The following EFCAB11 variants were observed in gnomAD, a reference collection of about 807,000 sequenced individuals.
EFCAB11 encodes the protein EF-hand calcium-binding domain-containing protein 11.
EFCAB11 carries 14 observed loss-of-function variants against 23.0 expected under a neutral mutation model. That is an observed-to-expected ratio of 0.61 (90% CI 0.40 to 0.95). The LOEUF (loss-of-function observed/expected upper bound fraction) is 0.95, where lower values mean the gene tolerates loss of function less well. EFCAB11 is among the 40% of genes least tolerant of loss of function. The pLI is 0.00. For synonymous variants in EFCAB11, 65 were observed against 66.6 expected (o/e 0.98, Z 0.11); for missense variants, 198 against 195.8 (o/e 1.01, Z -0.07).
intron 3 of EFCAB11, among the ~76,000 whole-genome samples, chr14:89,944,616 A>C (rs1283353043): frequency 1.3e-5 from 2 of 152,206 alleles, no homozygotes; most frequent in Non-Finnish European, 1.5e-5. Context: ...ATTCACAAAA[A>C]ACCCTAATGA....
chr14:89,951,805 G>A (rs1359149345), intron 2 of EFCAB11, among the ~76,000 whole-genome samples: 1 of 151,720 alleles, frequency 6.6e-6, no homozygotes, highest in East Asian at 1.9e-4. Context: ...TGCACCTGTA[G>A]TCCCAGCTAC....
intron 5 of EFCAB11, among the ~76,000 whole-genome samples, chr14:89,870,911 G>T (rs1596413416): frequency 6.6e-6 from 1 of 152,248 alleles, no homozygotes; most frequent in Admixed American, 6.5e-5. Flanking sequence ...CTGCACTGCA[G>T]CATGGTCAAC....
intron 5 of EFCAB11, among the ~76,000 whole-genome samples, chr14:89,875,433 A>G (rs540065211): frequency 5.3e-4 from 80 of 152,200 alleles, no homozygotes; most frequent in Non-Finnish European, 1.1e-3. Context: ...ATTGTGAGGT[A>G]CTTTGTTACA....
At chr14:89,828,590 G>T (rs1184755806) in intron 5 of EFCAB11, among the ~76,000 whole-genome samples, 5 of 152,050 alleles carry the variant, frequency 3.3e-5, no homozygotes, top group African/African-American at 9.7e-5. Context: ...ATAGTGTTCG[G>T]TTTTTTGTAT....
chr14:89,889,322 A>G (rs1480254785), intron 5 of EFCAB11, among the ~76,000 whole-genome samples: 1 of 152,250 alleles, frequency 6.6e-6, no homozygotes. Context: ...TCGAAGCCTT[A>G]CTATGAATCC....
intron 5 of EFCAB11, among the ~76,000 whole-genome samples, chr14:89,850,703 C>G (rs1887577647): frequency 6.6e-6 from 1 of 152,118 alleles, no homozygotes; most frequent in Admixed American, 6.5e-5. Context: ...AATCAATAAC[C>G]AATCTTGTCA....
chr14:89,914,532 C>A (rs996468412), intron 5 of EFCAB11, among the ~76,000 whole-genome samples: 1 of 152,178 alleles, frequency 6.6e-6, no homozygotes, highest in African/African-American at 2.4e-5. Flanking sequence ...CGCCTGTAAT[C>A]CCAGCACTTT....
chr14:89,862,322 A>G (rs901875714), intron 5 of EFCAB11, among the ~76,000 whole-genome samples: 8 of 151,762 alleles, frequency 5.3e-5, no homozygotes, highest in African/African-American at 9.7e-5. Context: ...ATTTTTTTTT[A>G]TTAGAAAAAC....
At chr14:89,946,720 C>T (rs1486998714) in intron 3 of EFCAB11, among the ~76,000 whole-genome samples, 3 of 151,306 alleles carry the variant, frequency 2.0e-5, no homozygotes. Flanking sequence ...CAGGCACGTG[C>T]CATCATGCCT....
At chr14:89,807,684 AATGCT>A (rs1886013552) in intron 5 of EFCAB11, among the ~76,000 whole-genome samples, 1 of 152,212 alleles carries the variant, frequency 6.6e-6, no homozygotes, top group Admixed American at 6.6e-5. Flanking sequence ...GTTGTCAAAT[AATGCT>A]TATTTTAATA....
chr14:89,811,032 A>G (rs1886134886), intron 5 of EFCAB11, among the ~76,000 whole-genome samples: 1 of 152,088 alleles, frequency 6.6e-6, no homozygotes, highest in Non-Finnish European at 1.5e-5. Context: ...CATAGGGGCG[A>G]GAACTGGGCA....
chr14:89,860,002 C>G (rs1771489379), intron 5 of EFCAB11, among the ~76,000 whole-genome samples: 1 of 152,160 alleles, frequency 6.6e-6, no homozygotes, highest in Non-Finnish European at 1.5e-5. Flanking sequence ...AAGGAGGGAA[C>G]AGAACCTAGG....
chr14:89,947,030 C>T (rs1357117084), intron 3 of EFCAB11, among the ~76,000 whole-genome samples: 1 of 151,866 alleles, frequency 6.6e-6, no homozygotes, highest in African/African-American at 2.4e-5. Flanking sequence ...TCAGATAAAA[C>T]AGTATCAACA....
chr14:89,822,471 C>T (rs979873092), intron 5 of EFCAB11, among the ~76,000 whole-genome samples: 3 of 152,126 alleles, frequency 2.0e-5, no homozygotes, highest in African/African-American at 7.2e-5. Flanking sequence ...TTTTCAGCAC[C>T]TAGGTTGGAT....
chr14:89,871,397 A>G (rs1170754126), intron 5 of EFCAB11, among the ~76,000 whole-genome samples: 2 of 152,144 alleles, frequency 1.3e-5, no homozygotes, highest in African/African-American at 4.8e-5. Context: ...ACCCAGGATG[A>G]ATCTCTGTAC....
chr14:89,946,733 CT>C (rs536677296), intron 3 of EFCAB11, among the ~76,000 whole-genome samples: 546 of 131,238 alleles, frequency 4.2e-3, no homozygotes, highest in Non-Finnish European at 4.6e-3. Context: ...TCATGCCTGG[CT>C]TTTTTTTTTT....
intron 5 of EFCAB11, among the ~76,000 whole-genome samples, chr14:89,896,502 T>C (rs907670551): frequency 6.6e-6 from 1 of 152,218 alleles, no homozygotes; most frequent in Admixed American, 6.5e-5. Flanking sequence ...GGCATTATGA[T>C]ATTCCAGCAC....
At chr14:89,935,617 AT>A (rs1890554792) in intron 3 of EFCAB11, among the ~76,000 whole-genome samples, 1 of 152,184 alleles carries the variant, frequency 6.6e-6, no homozygotes, top group Non-Finnish European at 1.5e-5. Flanking sequence ...GCTCATGCCT[AT>A]AATCCTAACA....
chr14:89,840,691 G>A (rs1267123827), intron 5 of EFCAB11, among the ~76,000 whole-genome samples: 1 of 152,178 alleles, frequency 6.6e-6, no homozygotes, highest in Non-Finnish European at 1.5e-5. Flanking sequence ...GCAATTCAAT[G>A]AAGCAATAAA....
Sources: gnomAD v4.1 joint callset for allele counts (sites outside exome capture counted in the v4.1 genomes callset) on GRCh38, gnomAD v4.1.1 for gene constraint, MANE v1.5 for transcripts, NCBI Gene and HGNC (gene_info 2026-07-23, HGNC 2026-07-21) for gene names.